Variants in LIFR observed in about 807,000 individuals in gnomAD.
The protein encoded by LIFR is LIF receptor subunit alpha, also known as leukemia inhibitory factor receptor.
Under a neutral mutation model 122.2 loss-of-function variants are expected in LIFR, and 84 were observed. The ratio of observed to expected loss-of-function variants is 0.69; its 90% CI spans 0.58 to 0.82. The LOEUF (loss-of-function observed/expected upper bound fraction) is 0.82. LIFR is among the 40% of genes least tolerant of loss of function. The probability of loss-of-function intolerance (pLI) is 0.00; values close to 1 mark genes in which losing one functional copy is unlikely to be tolerated. For synonymous variants in LIFR, 422 were observed against 434.7 expected (o/e 0.97, Z 0.36); for missense variants, 1,294 against 1,311.6 (o/e 0.99, Z 0.21).
At chr5:38,549,204 C>T (rs148456850) in intron 1 of LIFR, among the ~76,000 whole-genome samples, 207 of 151,886 alleles carry the variant, frequency 1.4e-3, no homozygotes, top group East Asian at 4.5e-3. Context: ...ACCTAACATT[C>T]GGCCTATAGT....
upstream of LIFR, among the ~76,000 whole-genome samples, chr5:38,559,370 C>T (rs145657709): frequency 6.6e-6 from 1 of 152,326 alleles, no homozygotes; most frequent in African/African-American, 2.4e-5. Context: ...GGGCACCTGA[C>T]TGCTGTCTGT....
Position 38,496,363 on chromosome 5 carries a change from A to C in LIFR, c.1885+19T>G, listed in dbSNP as rs1481210045. 3 of 1,570,642 alleles carry C rather than the reference A, an allele frequency of 1.9e-6. No individual in the cohort carries two copies. The African/African-American group carries it at 4.1e-5, about 21-fold the overall frequency. On this transcript the variant is annotated intron_variant, in intron 13 of 19. Coordinates refer to ENST00000453190, the MANE Select transcript of LIFR (RefSeq NM_001127671.2). ...TTTAGTTTCCCGTTCTTATATACTA[A>C]ATCATCTCAAGCACTCACCATTTGG...
intron 4 of LIFR, among the ~76,000 whole-genome samples, chr5:38,526,417 G>C (rs561753932): frequency 5.9e-4 from 35 of 59,648 alleles, no homozygotes; most frequent in East Asian, 1.9e-3. Context: ...AAACTTTACT[G>C]TGTGTGTGTG....
At chr5:38,589,814 A>T (rs1467014879) in intron 1 of LIFR, among the ~76,000 whole-genome samples, 1 of 151,970 alleles carries the variant, frequency 6.6e-6, no homozygotes, top group Non-Finnish European at 1.5e-5. Flanking sequence ...GAGTCCCTAG[A>T]GAAAGGAAAA....
At chr5:38,572,621 G>A (rs905585553) in intron 1 of LIFR, among the ~76,000 whole-genome samples, 2 of 152,064 alleles carry the variant, frequency 1.3e-5, no homozygotes, top group Admixed American at 6.5e-5. Flanking sequence ...CCTTCTGTGC[G>A]GGCCTGAAGG....
Position 38,506,583 on chromosome 5 carries a change from T to C in LIFR, c.1041A>G (p.Lys347=), listed in dbSNP as rs368872439. 58 of 1,613,374 alleles carry C rather than the reference T, an allele frequency of 3.6e-5. No homozygotes were observed. Among genetic ancestry groups the C allele is most frequent in the Non-Finnish European group, 4.7e-5 (56 of 1,179,422 alleles). The change falls in exon 8 of 20, where the codon AAA becomes AAG. Residue 347 remains lysine (K), a synonymous_variant. Transcript: ENST00000453190. ...CTGGATTCCAACTACATATAATTTC[T>C]TTTAAATCATGTGTCTCACAATTCA... ...QQLNCETHDL[K]EIICSWNPGR...
At chr5:38,500,397 A>G (rs1255692680) in intron 11 of LIFR, among the ~76,000 whole-genome samples, 1 of 152,230 alleles carries the variant, frequency 6.6e-6, no homozygotes, top group African/African-American at 2.4e-5. Context: ...ATCTGCATAT[A>G]CATAATGAAA....
intron 1 of LIFR, among the ~76,000 whole-genome samples, chr5:38,587,045 T>C (rs770042111): frequency 6.6e-6 from 1 of 152,202 alleles, no homozygotes; most frequent in African/African-American, 2.4e-5. Context: ...TAAGGTAGAC[T>C]GATGTTGGTC....
In LIFR at chr5:38,587,480, G is replaced by GA. The variant is rs35454214; in HGVS notation, c.-20+7780dup. The stretch of plus-strand genomic sequence containing the variant: ...AGTCAGGTAGCACTTCCGAAGGACT[G>GA]AAAAAAAAAAAAAGGCCACTATTGC... On this transcript the variant is annotated intron_variant, in intron 1 of 19. Transcript: ENST00000263409. Among the ~76,000 whole-genome samples, 122 of 138,732 alleles carry GA rather than the reference G, an allele frequency of 8.8e-4. 1 individual carries two copies. The highest frequency in any genetic ancestry group is 1.6e-3 in the African/African-American group (59 of 37,124). 91.0% of individuals were successfully genotyped at this position (138,732 alleles called of 152,430 possible).
intron 12 of LIFR, among the ~76,000 whole-genome samples, chr5:38,498,093 G>C (rs758215666): frequency 1.4e-4 from 22 of 152,104 alleles, no homozygotes; most frequent in Non-Finnish European, 2.8e-4. Flanking sequence ...GGGCTCTCTG[G>C]TCAAGACTGA....
chr5:38,578,079 T>A (rs1239982050), intron 1 of LIFR, among the ~76,000 whole-genome samples: 1 of 152,214 alleles, frequency 6.6e-6, no homozygotes, highest in Non-Finnish European at 1.5e-5. Flanking sequence ...ACAAGCTGCA[T>A]TGGTAACATC....
intron 18 of LIFR, 134 bp from the exon 19 acceptor site, chr5:38,482,801 T>C (rs923810217): frequency 6.4e-6 from 3 of 470,128 alleles, no homozygotes; most frequent in Non-Finnish European, 1.1e-5. Context: ...TGGAAGATCT[T>C]TAGTGTGATC....
chr5:38,522,595 C>T (rs371638552), intron 5 of LIFR, among the ~76,000 whole-genome samples: 2 of 152,238 alleles, frequency 1.3e-5, no homozygotes, highest in South Asian at 4.1e-4. Context: ...CAGTAACATG[C>T]CATGCAGGTT....
intron 1 of LIFR, among the ~76,000 whole-genome samples, chr5:38,534,074 C>A (rs1747162761): frequency 6.6e-6 from 1 of 152,180 alleles, no homozygotes; most frequent in Admixed American, 6.5e-5. Context: ...TTGAGCAAAA[C>A]AAGTGCAATC....
chr5:38,529,774 G>T (rs1370436593), intron 2 of LIFR, among the ~76,000 whole-genome samples: 1 of 152,040 alleles, frequency 6.6e-6, no homozygotes, highest in Non-Finnish European at 1.5e-5. Context: ...TGGTTGGTAC[G>T]ATATTCACTG....
Position 38,528,900 on chromosome 5 carries a change from T to C in LIFR, c.143-60A>G, listed in dbSNP as rs62355821. ...CACAGACACACATAAACACAGAATA[T>C]GCTGAATAAGTCAACTGCACTCTAA... On this transcript the variant is annotated intron_variant, in intron 2 of 19. Transcript: ENST00000453190. 44,114 of 991,950 alleles carry C rather than the reference T, an allele frequency of 0.044. 1,188 individuals carry two copies. The highest frequency in any genetic ancestry group is 0.074 in the Middle Eastern group (287 of 3,884). The allele number at this position is 991,950 out of a possible 1,614,324, so 61.4% of individuals were successfully genotyped here. A position where few individuals can be genotyped will look rare whatever the true frequency, so the allele number is the denominator to read the frequency against.
chr5:38,556,952 C>G (rs1409099233), upstream of LIFR: 1 of 152,194 alleles, frequency 6.6e-6, no homozygotes. Flanking sequence ...CGAGAAAGGC[C>G]GAGTGCGCGA....
chr5:38,605,078 G>A (rs185149553), intron 2 of LIFR, among the ~76,000 whole-genome samples: 69 of 152,162 alleles, frequency 4.5e-4, no homozygotes, highest in African/African-American at 1.6e-3. Context: ...ACAGGCCTCC[G>A]AGAGAATAGA....
chr5:38,551,493 A>AT (rs1313068691), intron 1 of LIFR, among the ~76,000 whole-genome samples: 2 of 152,228 alleles, frequency 1.3e-5, no homozygotes, highest in Non-Finnish European at 2.9e-5. Flanking sequence ...CAGTCCTCGG[A>AT]TTCAAGGTGT....
Sources: gnomAD v4.1 joint callset for allele counts (sites outside exome capture counted in the v4.1 genomes callset) on GRCh38, gnomAD v4.1.1 for gene constraint, MANE v1.5 for transcripts, NCBI Gene and HGNC (gene_info 2026-07-23, HGNC 2026-07-21) for gene names.